ADAMTSL3: variants seen among roughly 807,000 people sequenced by gnomAD.
ADAMTSL3 encodes the protein ADAMTS-like protein 3.
Under a neutral mutation model 201.7 loss-of-function variants are expected in ADAMTSL3, and 128 were observed. The ratio of observed to expected loss-of-function variants is 0.63; its 90% CI spans 0.55 to 0.73. The LOEUF (loss-of-function observed/expected upper bound fraction) is 0.73, where lower values mean the gene tolerates loss of function less well. Among genes scored for constraint, ADAMTSL3 ranks in the 30% least tolerant of loss-of-function variants. The pLI is 0.00. For missense variants in ADAMTSL3, 1,990 were observed against 2,119.6 expected (o/e 0.94, Z 1.20); for synonymous variants, 738 against 748.4 (o/e 0.99, Z 0.23).
At chr15:84,023,342 A>T (rs1381884576) in intron 26 of ADAMTSL3, among the ~76,000 whole-genome samples, 1 of 152,238 alleles carries the variant, frequency 6.6e-6, no homozygotes, top group Non-Finnish European at 1.5e-5. Context: ...GAAACTGGAG[A>T]AATGTTTAAT....
At chr15:83,931,093 A>G (rs746030731) in intron 17 of ADAMTSL3, among the ~76,000 whole-genome samples, 7 of 152,162 alleles carry the variant, frequency 4.6e-5, no homozygotes, top group Non-Finnish European at 1.0e-4. Context: ...AGTGCCTGCT[A>G]TTTATGGAGT....
chr15:83,853,896 A>C (rs1390459803), intron 7 of ADAMTSL3, among the ~76,000 whole-genome samples: 1 of 140,296 alleles, frequency 7.1e-6, no homozygotes, highest in Non-Finnish European at 1.5e-5. Context: ...CATTATCCCT[A>C]TCACTCTATC....
At chr15:83,847,316 G>A (rs1389717036) in intron 7 of ADAMTSL3, among the ~76,000 whole-genome samples, 2 of 152,116 alleles carry the variant, frequency 1.3e-5, no homozygotes, top group East Asian at 3.8e-4. Context: ...TTGCAAAGTA[G>A]TGTATAGACA....
At chr15:83,692,479 A>G (rs1299367352) in intron 2 of ADAMTSL3, among the ~76,000 whole-genome samples, 1 of 151,818 alleles carries the variant, frequency 6.6e-6, no homozygotes, top group Non-Finnish European at 1.5e-5. Context: ...AGGTCAGGAG[A>G]TCGAGACCAT....
At chr15:83,929,153 C>A (rs543328138) in intron 17 of ADAMTSL3, among the ~76,000 whole-genome samples, 38 of 152,316 alleles carry the variant, frequency 2.5e-4, no homozygotes, top group African/African-American at 8.4e-4. Context: ...CAACAACACT[C>A]CTTTATCTAT....
chr15:83,896,673 A>G (rs2065621713), intron 13 of ADAMTSL3, among the ~76,000 whole-genome samples: 2 of 152,176 alleles, frequency 1.3e-5, no homozygotes, highest in Non-Finnish European at 2.9e-5. Context: ...TATAAACCCA[A>G]TATGGTCCTC....
At chr15:83,757,009 G>T (rs920448545) in intron 3 of ADAMTSL3, among the ~76,000 whole-genome samples, 5 of 152,208 alleles carry the variant, frequency 3.3e-5, no homozygotes, top group African/African-American at 1.2e-4. Context: ...GCTTTGCAGG[G>T]TATAGCCCCT....
chr15:83,839,109 A>G (rs991363571), intron 7 of ADAMTSL3, among the ~76,000 whole-genome samples: 1 of 152,202 alleles, frequency 6.6e-6, no homozygotes, highest in Non-Finnish European at 1.5e-5. Context: ...GTTTTTCTTT[A>G]TAATAATTCT....
chr15:84,025,249 G>A lies in ADAMTSL3; in HGVS notation c.4469G>A (p.Ser1490Asn). 1 of 1,605,818 alleles carries A rather than the reference G, an allele frequency of 6.2e-7. No homozygotes were observed. Among genetic ancestry groups the A allele is most frequent in the East Asian group, 2.2e-5 (1 of 44,848 alleles). Residue 1490 changes from serine (S) to asparagine (N), a missense_variant, in exon 27 of 30, where the codon AGT (serine) becomes AAT (asparagine). Coordinates refer to ENST00000286744, the MANE Select transcript of ADAMTSL3 (RefSeq NM_207517.3). ...GTTTTTGTTCCTAGGTGGTTCACAAGTGTGTGGTCACAGTGCTCTGTGTCT... is the reference window on the plus strand; with the variant it reads ...GTTTTTGTTCCTAGGTGGTTCACAAATGTGTGGTCACAGTGCTCTGTGTCT... ...IRDCPARWFT[S>N]VWSQCSVSCG...
At chr15:83,853,101 C>T (rs575517122) in intron 7 of ADAMTSL3, among the ~76,000 whole-genome samples, 2 of 152,256 alleles carry the variant, frequency 1.3e-5, no homozygotes, top group South Asian at 2.1e-4. Flanking sequence ...GTGATCCTCC[C>T]GCCTTAGCTT....
chr15:83,758,773 G>A (rs1206529433), intron 3 of ADAMTSL3, among the ~76,000 whole-genome samples: 4 of 151,848 alleles, frequency 2.6e-5, no homozygotes, highest in Non-Finnish European at 4.4e-5. Flanking sequence ...TTTTGTTGCT[G>A]AATTGTAAGA....
At chr15:83,722,296 A>G (rs185497284) in intron 3 of ADAMTSL3, among the ~76,000 whole-genome samples, 461 of 152,338 alleles carry the variant, frequency 3.0e-3, no homozygotes, top group Non-Finnish European at 5.2e-3. Context: ...ATCCAATGTA[A>G]GTACTCACAA....
rs546142653 is a variant in ADAMTSL3 at position 83,864,090 on chromosome 15, A to G, written c.802+5250A>G. On this transcript the variant is annotated intron_variant, in intron 8 of 29. Coordinates refer to ENST00000286744, the MANE Select transcript of ADAMTSL3 (RefSeq NM_207517.3). ...AGAAGTTGAATCTCTGAATAGACCA[A>G]TAACAGGCTCTGAAATTGAGGCAAT... Among the ~76,000 whole-genome samples, 40 of 152,320 alleles carry G rather than the reference A, an allele frequency of 2.6e-4. 2 individuals are homozygous for G. Among genetic ancestry groups the G allele is most frequent in the Non-Finnish European group, 5.9e-5 (4 of 68,026 alleles).
chr15:83,858,744 G>A lies in ADAMTSL3; in HGVS notation c.728-22G>A, dbSNP rs751302187. The A allele has an allele frequency of 2.2e-5, 35 of 1,602,164 alleles. 2 individuals are homozygous for A. In the South Asian group the frequency reaches 3.8e-4, roughly 18 times the overall value. On this transcript the variant is annotated intron_variant, in intron 7 of 29. Transcript: ENST00000286744. ...CCTTTAGTGTACTGGTTTTATTGCA[G>A]TTGCGTTCTGTTCTTTCCCAGGAGA...
chr15:83,903,930 A>AGGGAGGGAGGGAGGGAGG (rs1567226029), intron 15 of ADAMTSL3, among the ~76,000 whole-genome samples: 7 of 27,230 alleles, frequency 2.6e-4, no homozygotes, highest in African/African-American at 1.9e-3. Flanking sequence ...AAAAAAAAAA[A>AGGGAGGGAGGGAGGGAGG]AAAAAAAAAA....
At chr15:83,952,270 T>G (rs538237535) in intron 19 of ADAMTSL3, among the ~76,000 whole-genome samples, 1 of 152,324 alleles carries the variant, frequency 6.6e-6, no homozygotes, top group South Asian at 2.1e-4. Context: ...TTTTCCAAAA[T>G]TTCTCTTGTT....
At chr15:83,769,086 A>C (rs1260312517) in intron 3 of ADAMTSL3, among the ~76,000 whole-genome samples, 1 of 152,062 alleles carries the variant, frequency 6.6e-6, no homozygotes. Flanking sequence ...GTTATTTTAG[A>C]ATCAAGATTC....
intron 3 of ADAMTSL3, among the ~76,000 whole-genome samples, chr15:83,753,656 CTG>C (rs1182620629): frequency 6.6e-6 from 1 of 151,716 alleles, no homozygotes; most frequent in African/African-American, 2.4e-5. Flanking sequence ...ACTTGAAAAA[CTG>C]TGCTTTTTTT....
At chr15:83,693,739 T>C (rs1264428001) in intron 2 of ADAMTSL3, among the ~76,000 whole-genome samples, 1 of 152,224 alleles carries the variant, frequency 6.6e-6, no homozygotes, top group East Asian at 1.9e-4. Flanking sequence ...TTATTTCTGC[T>C]TCCCCAAGTT....
Sources: allele counts gnomAD v4.1 joint callset (sites outside exome capture counted in the v4.1 genomes callset), GRCh38; gene constraint gnomAD v4.1.1; transcripts MANE v1.5; gene names NCBI Gene and HGNC (gene_info 2026-07-23, HGNC 2026-07-21).